Variants in RDM1 observed in about 807,000 individuals in gnomAD.
RDM1 encodes RAD52 motif-containing protein 1.
A neutral mutation model predicts 27.7 loss-of-function variants in RDM1; 28 were observed. That is an observed-to-expected ratio of 1.01 (90% CI 0.75 to 1.39). The LOEUF (loss-of-function observed/expected upper bound fraction) is 1.39. Among genes scored for constraint, RDM1 ranks in the 40% most tolerant of loss-of-function variants. RDM1 has a pLI of 0.00. For missense variants in RDM1, 277 were observed against 337.3 expected, an observed-to-expected ratio of 0.82 and a Z score of 1.40; for synonymous variants, 124 against 127.5, an observed-to-expected ratio of 0.97 and a Z score of 0.19.
At position 35,918,314 on chromosome 17, in the gene RDM1, T is replaced by C. The variant is rs1246746674; in HGVS notation, c.*28A>G. On this transcript the variant is annotated 3_prime_UTR_variant, in exon 7 of 7. Coordinates refer to ENST00000620284, the MANE Select transcript of RDM1 (RefSeq NM_145654.4). ...GACAGAGCTTCCCAAGGAAGTTACATGACCTCGCCTTGGGATATTCAGAAA... is the reference window on the plus strand; with the variant it reads ...GACAGAGCTTCCCAAGGAAGTTACACGACCTCGCCTTGGGATATTCAGAAA... The C allele has an allele frequency of 1.3e-6, 2 of 1,597,158 alleles. No homozygotes were observed. The highest frequency in any genetic ancestry group is 2.7e-5 in the African/African-American group (2 of 74,686).
intron 2 of RDM1, among the ~76,000 whole-genome samples, chr17:35,926,597 G>A (rs1028419192): frequency 6.6e-6 from 1 of 151,994 alleles, no homozygotes; most frequent in African/African-American, 2.4e-5. Context: ...GTAGAGATGG[G>A]GTTTCACCGT....
chr17:35,919,637 C>T (rs1193592898), intron 6 of RDM1, among the ~76,000 whole-genome samples: 2 of 152,164 alleles, frequency 1.3e-5, no homozygotes, highest in Non-Finnish European at 1.5e-5. Context: ...CCATTATACT[C>T]TTATGGAACC....
intron 2 of RDM1, among the ~76,000 whole-genome samples, chr17:35,928,540 A>C (rs146360729): frequency 0.025 from 3,826 of 152,150 alleles, 150 homozygotes; most frequent in African/African-American, 0.087. Context: ...AGGCGGGTAG[A>C]TCACCTGAGT....
intron 5 of RDM1, 146 bp from the exon 6 acceptor site, chr17:35,920,418 T>A: frequency 2.5e-6 from 1 of 400,978 alleles, no homozygotes; most frequent in Non-Finnish European, 4.5e-6. Context: ...CCTTATCTCC[T>A]CATCTCACAC....
At chr17:35,927,115 C>CA (rs955692533) in intron 2 of RDM1, among the ~76,000 whole-genome samples, 2,370 of 74,396 alleles carry the variant, frequency 0.032, 18 homozygotes, top group Non-Finnish European at 0.036. Context: ...TTCATTTCAC[C>CA]AAAAAAAAAA....
chr17:35,926,564 C>T (rs896667466), intron 2 of RDM1, among the ~76,000 whole-genome samples: 38 of 152,132 alleles, frequency 2.5e-4, no homozygotes, highest in African/African-American at 7.9e-4. Context: ...CCACCACGCC[C>T]GGCTAATTTT....
At chr17:35,919,707 C>A (rs569778253) in intron 6 of RDM1, among the ~76,000 whole-genome samples, 13 of 152,176 alleles carry the variant, frequency 8.5e-5, no homozygotes, top group Admixed American at 8.5e-4. Flanking sequence ...ATGATTGTAA[C>A]TGATTTACAG....
chr17:35,922,528 T>A (rs776327998), intron 5 of RDM1, 49 bp downstream of exon 5: 1 of 1,589,002 alleles, frequency 6.3e-7, no homozygotes, highest in African/African-American at 1.4e-5. Context: ...AATGAGTTTA[T>A]TTGCTTACTG....
intron 2 of RDM1, among the ~76,000 whole-genome samples, chr17:35,926,771 C>A (rs879417128): frequency 2.0e-5 from 3 of 152,038 alleles, no homozygotes; most frequent in Non-Finnish European, 2.9e-5. Flanking sequence ...CTCCTTAAGT[C>A]CCAGATGAAA....
chr17:35,925,777 T>C (rs2089125463), intron 2 of RDM1, 140 bp from the exon 3 acceptor site: 1 of 937,794 alleles, frequency 1.1e-6, no homozygotes, highest in Non-Finnish European at 1.6e-6. Context: ...CTTGAGAATA[T>C]GACCTGAATA....
At chr17:35,923,363 A>AG (rs1211220681) in intron 4 of RDM1, among the ~76,000 whole-genome samples, 2 of 144,744 alleles carry the variant, frequency 1.4e-5, no homozygotes, top group African/African-American at 5.2e-5. Context: ...AAAAAAAAAA[A>AG]AAAAAAAAGA....
At position 35,924,737 on chromosome 17, in the gene RDM1, A is replaced by C. The variant is rs752975500; in HGVS notation, c.435T>G (p.Asn145Lys). ...TCGGAAGTGGCACCATGCTATCTTC[A>C]TTTTCCCTTTCTTCAAGGTCAGAAA... ...QELSDLEERENEDSMVPLPKQ... is the reference protein window; with the variant it reads ...QELSDLEEREKEDSMVPLPKQ... The change falls in exon 4 of 7, where the codon AAT (asparagine) becomes AAG (lysine). Residue 145 changes from asparagine to lysine, a missense_variant. Coordinates refer to ENST00000620284, the MANE Select transcript of RDM1 (RefSeq NM_145654.4). 6.8e-6 allele frequency: 11 copies of C among 1,614,084 alleles called. 1 individual carries two copies. The highest frequency in any genetic ancestry group is 2.2e-5 in the East Asian group (1 of 44,888).
At chr17:35,929,873 T>C (rs2089267364) in intron 2 of RDM1, among the ~76,000 whole-genome samples, 2 of 152,214 alleles carry the variant, frequency 1.3e-5, no homozygotes, top group African/African-American at 2.4e-5. Flanking sequence ...CGAGTTTCCA[T>C]AATTCTTGTC....
chr17:35,930,540 G>T, intron 1 of RDM1, 92 bp downstream of exon 1: 1 of 1,221,158 alleles, frequency 8.2e-7, no homozygotes, highest in Non-Finnish European at 1.2e-6. Flanking sequence ...CGGAGGCTCA[G>T]GCAGGTGAGG....
At chr17:35,922,697 G>A (rs1226372638) in intron 4 of RDM1, 22 bp from the exon 5 acceptor site, 2 of 1,545,054 alleles carry the variant, frequency 1.3e-6, no homozygotes, top group African/African-American at 2.8e-5. Flanking sequence ...CAAAACAAAT[G>A]GATTTAAGGT....
At position 35,930,271 on chromosome 17, in the gene RDM1, A is replaced by G. The variant is rs1340924513; in HGVS notation, c.97-16T>C. 3 of 1,613,912 alleles carry G rather than the reference A, an allele frequency of 1.9e-6. No homozygotes were observed. In the Admixed American group the frequency reaches 5.0e-5, roughly 27 times the overall value. On this transcript the variant is annotated splice_polypyrimidine_tract_variant and intron_variant, in intron 1 of 6. Transcript: ENST00000620284. ...ACAGAGAATGCTGTGGGGGTGGGACAAGTAAATGCATGAAATCTCACGCCC... is the reference window on the plus strand; with the variant it reads ...ACAGAGAATGCTGTGGGGGTGGGACGAGTAAATGCATGAAATCTCACGCCC...
Position 35,930,195 on chromosome 17 carries a change from T to C in RDM1, c.157A>G (p.Asn53Asp), listed in dbSNP as rs756818417. Reference sequence around the variant, plus strand: ...AAACCAGGATGGGCCACTGCAGCATTTGGGAAGACCCGGACTGAATACAGA... The same window carrying C: ...AAACCAGGATGGGCCACTGCAGCATCTGGGAAGACCCGGACTGAATACAGA... ...GLLYSVRVFP[N>D]AAVAHPGFYA... Residue 53 changes from asparagine (N) to aspartate (D), a missense_variant, in exon 2 of 7, where the codon AAT becomes GAT. By Grantham distance (23) the Asn-to-Asp change is conservative. Coordinates refer to ENST00000620284, the MANE Select transcript of RDM1 (RefSeq NM_145654.4). The C allele has an allele frequency of 6.2e-7, 1 of 1,614,118 alleles. No homozygotes were observed. Among genetic ancestry groups the C allele is most frequent in the South Asian group, 1.1e-5 (1 of 91,064 alleles).
At chr17:35,922,727 G>T in intron 4 of RDM1, 52 bp from the exon 5 acceptor site, 3 of 1,390,212 alleles carry the variant, frequency 2.2e-6, no homozygotes, top group Non-Finnish European at 2.9e-6. Context: ...AATGATAATT[G>T]CTATATGTTT....
chr17:35,919,696 CAT>C (rs1197712669), intron 6 of RDM1, among the ~76,000 whole-genome samples: 2 of 152,170 alleles, frequency 1.3e-5, no homozygotes, highest in Non-Finnish European at 2.9e-5. Flanking sequence ...TTTTGTAGCA[CAT>C]GATTGTAACT....
Sources: gnomAD v4.1 joint callset for allele counts (sites outside exome capture counted in the v4.1 genomes callset) on GRCh38, gnomAD v4.1.1 for gene constraint, MANE v1.5 for transcripts, NCBI Gene and HGNC (gene_info 2026-07-23, HGNC 2026-07-21) for gene names.